The following PTK2 variants were observed in gnomAD, a reference collection of about 807,000 sequenced individuals.
The protein encoded by PTK2 is protein tyrosine kinase 2.
A neutral mutation model predicts 150.1 loss-of-function variants in PTK2; 45 were observed. That is an observed-to-expected ratio of 0.30 (90% CI 0.24 to 0.38). The LOEUF (loss-of-function observed/expected upper bound fraction) is 0.38. PTK2 is among the 10% of genes least tolerant of loss of function. The pLI is 1.00. For synonymous variants in PTK2, 432 were observed against 449.2 expected, an observed-to-expected ratio of 0.96 and a Z score of 0.48; for missense variants, 919 against 1,307.3, an observed-to-expected ratio of 0.70 and a Z score of 4.58.
intron 22 of PTK2, among the ~76,000 whole-genome samples, chr8:140,720,857 G>C (rs975369439): frequency 6.6e-6 from 1 of 152,100 alleles, no homozygotes; most frequent in African/African-American, 2.4e-5. Context: ...AGGTTCAAGC[G>C]ATTCTCCTGC....
Position 140,948,035 on chromosome 8 carries a change from G to A in PTK2, c.-121-22286C>T, listed in dbSNP as rs191671962. The stretch of plus-strand genomic sequence containing the variant: ...CAGACTAAAAGCATGCTGAAGCAAA[G>A]TACTTCAGTTCTGAATTCCTACCAG... On this transcript the variant is annotated intron_variant, in intron 1 of 31. Coordinates refer to ENST00000522684, the Ensembl canonical transcript of PTK2. Among the ~76,000 whole-genome samples the A allele has an allele frequency of 1.2e-3, 177 of 152,252 alleles. 1 individual carries two copies. In the South Asian group the frequency reaches 0.015, roughly 13 times the overall value.
rs371922198 is a variant in PTK2 at position 140,969,593 on chromosome 8, C to CTTCTTACCTCACAGGTGGTTTCT, written c.-122+31509_-122+31531dup. 4.1e-3 allele frequency among the ~76,000 whole-genome samples: 630 copies of CTTCTTACCTCACAGGTGGTTTCT among 152,304 alleles called. 6 individuals carry two copies. Among genetic ancestry groups the CTTCTTACCTCACAGGTGGTTTCT allele is most frequent in the African/African-American group, 0.015 (612 of 41,562 alleles). ...CAGGACACCATCTTCTCCTGGTTTT[C>CTTCTTACCTCACAGGTGGTTTCT]TTCTTACCTCACAGGTGGTTTCTTT... is the stretch of plus-strand genomic sequence containing the variant. On this transcript the variant is annotated intron_variant, in intron 1 of 31. Transcript: ENST00000522684.
At chr8:140,838,602 T>C (rs2100120248) in intron 7 of PTK2, among the ~76,000 whole-genome samples, 1 of 152,150 alleles carries the variant, frequency 6.6e-6, no homozygotes, top group South Asian at 2.1e-4. Context: ...GAGGCCAAAG[T>C]GGGAAGATTG....
chr8:140,684,076 G>C (rs2100018472), intron 27 of PTK2, among the ~76,000 whole-genome samples: 4 of 152,166 alleles, frequency 2.6e-5, no homozygotes, highest in Admixed American at 2.6e-4. Context: ...AAACTTCTGT[G>C]TTTGTAGATG....
chr8:140,845,075 A>G (rs1415569125), intron 7 of PTK2, among the ~76,000 whole-genome samples: 2 of 152,126 alleles, frequency 1.3e-5, no homozygotes, highest in Admixed American at 6.5e-5. Flanking sequence ...CTTCTGTCTC[A>G]CAGCCTCATC....
chr8:140,904,137 T>C (rs950680765), intron 2 of PTK2, among the ~76,000 whole-genome samples: 1 of 152,330 alleles, frequency 6.6e-6, no homozygotes, highest in African/African-American at 2.4e-5. Context: ...AGCTGTGGGT[T>C]TGTCATAAAT....
chr8:140,762,280 A>G (rs2100069828), intron 15 of PTK2, 88 bp downstream of exon 18: 2 of 731,064 alleles, frequency 2.7e-6, no homozygotes, highest in Non-Finnish European at 3.5e-6. Context: ...TAGTTTAAAA[A>G]TAAGTTAACC....
intron 4 of PTK2, among the ~76,000 whole-genome samples, chr8:140,865,368 T>C (rs1231043645): frequency 2.0e-5 from 3 of 152,196 alleles, no homozygotes; most frequent in Admixed American, 1.3e-4. Context: ...CTGGCCATGT[T>C]CAAGTTTTTG....
intron 23 of PTK2, among the ~76,000 whole-genome samples, chr8:140,707,218 G>C (rs2100034302): frequency 6.6e-6 from 1 of 152,244 alleles, no homozygotes; most frequent in Non-Finnish European, 1.5e-5. Flanking sequence ...CTGCTAATGG[G>C]TGAAGGATTT....
chr8:140,717,709 G>A, exon 23 of PTK2: 1 of 1,612,774 alleles, frequency 6.2e-7, no homozygotes, highest in South Asian at 1.1e-5. Context: ...CCAGGATTGT[G>A]CTAGAGAGAC....
chr8:140,765,441 A>G (rs2100071766), intron 14 of PTK2, among the ~76,000 whole-genome samples: 1 of 152,212 alleles, frequency 6.6e-6, no homozygotes, highest in African/African-American at 2.4e-5. Context: ...GGAAGAATTC[A>G]CTTCTTATTA....
chr8:140,972,985 G>A (rs1015581596), intron 1 of PTK2, among the ~76,000 whole-genome samples: 2 of 152,216 alleles, frequency 1.3e-5, no homozygotes, highest in South Asian at 4.1e-4. Context: ...AGAAATGTTA[G>A]AACAGATGTC....
At chr8:140,851,925 T>C (rs1250392418) in intron 5 of PTK2, among the ~76,000 whole-genome samples, 1 of 151,778 alleles carries the variant, frequency 6.6e-6, no homozygotes, top group Non-Finnish European at 1.5e-5. Flanking sequence ...GAACATTTGA[T>C]GTTGAGTGTG....
intron 10 of PTK2, among the ~76,000 whole-genome samples, chr8:140,816,432 G>C (rs1397809523): frequency 1.3e-5 from 2 of 152,190 alleles, no homozygotes; most frequent in Non-Finnish European, 2.9e-5. Flanking sequence ...CATTTAATGA[G>C]ATTTAATCAG....
rs1007989866 is a variant in PTK2, at chr8:140,820,089, T to G, written c.649-1069A>C. Among the ~76,000 whole-genome samples the G allele has an allele frequency of 9.1e-3, 516 of 56,526 alleles. 3 individuals carry two copies. Among genetic ancestry groups the G allele is most frequent in the Non-Finnish European group, 0.015 (424 of 28,838 alleles). 37.1% of individuals were successfully genotyped at this position (56,526 alleles called of 152,430 possible). On this transcript the variant is annotated intron_variant, in intron 8 of 31. Transcript: ENST00000522684. ...TATCTGACTTTGGTTTTTTTTTTTT[T>G]TTTTTTTTTTTTTTTTTTTTTTTTT...
chr8:140,967,762 C>T (rs147227124), intron 1 of PTK2, among the ~76,000 whole-genome samples: 2 of 151,982 alleles, frequency 1.3e-5, no homozygotes, highest in East Asian at 3.9e-4. Flanking sequence ...CTGGCCTAAC[C>T]CAACATTTCT....
intron 2 of PTK2, among the ~76,000 whole-genome samples, chr8:140,902,934 T>TTTTTTTG (rs2100159212): frequency 2.2e-5 from 3 of 134,196 alleles, no homozygotes; most frequent in African/African-American, 5.5e-5. Flanking sequence ...GTTTTTTTTT[T>TTTTTTTG]TTTTTTTTTT....
intron 26 of PTK2, among the ~76,000 whole-genome samples, chr8:140,697,058 C>G (rs2100027037): frequency 7.0e-6 from 1 of 142,740 alleles, no homozygotes. Context: ...AGATTGAGCC[C>G]AGGAGGTCAA....
At chr8:140,806,394 G>A (rs897129087) in intron 10 of PTK2, among the ~76,000 whole-genome samples, 2 of 152,196 alleles carry the variant, frequency 1.3e-5, no homozygotes, top group South Asian at 2.1e-4. Flanking sequence ...CTGCATGCAC[G>A]TACGTAACAG....
Sources: gnomAD v4.1 joint callset for allele counts (sites outside exome capture counted in the v4.1 genomes callset) on GRCh38, gnomAD v4.1.1 for gene constraint, MANE v1.5 for transcripts, NCBI Gene and HGNC (gene_info 2026-07-23, HGNC 2026-07-21) for gene names.